Variants in ACYP2 observed in about 807,000 individuals in gnomAD.
ACYP2 encodes the protein acylphosphatase-2.
A neutral mutation model predicts 11.2 loss-of-function variants in ACYP2; 12 were observed. That is an observed-to-expected ratio of 1.08 (90% CI 0.69 to 1.74). The LOEUF (loss-of-function observed/expected upper bound fraction) is 1.74, where lower values mean the gene tolerates loss of function less well. ACYP2 is among the 40% of genes most tolerant of loss of function. The pLI is 0.00. For synonymous variants in ACYP2, 43 were observed against 32.2 expected, an observed-to-expected ratio of 1.33 and a Z score of -1.13; for missense variants, 134 against 101.9, an observed-to-expected ratio of 1.31 and a Z score of -1.35.
intron 4 of ACYP2, among the ~76,000 whole-genome samples, chr2:54,116,854 G>C (rs191177351): frequency 1.3e-5 from 2 of 152,084 alleles, no homozygotes; most frequent in African/African-American, 4.8e-5. Context: ...AGCTAATTCC[G>C]ACTGGCTATT....
chr2:54,039,817 T>TG (rs1553359323), intron 2 of ACYP2, among the ~76,000 whole-genome samples: 2 of 106,404 alleles, frequency 1.9e-5, no homozygotes, highest in Non-Finnish European at 4.1e-5. Flanking sequence ...ATTTGTTTTC[T>TG]TTTGTGTGTG....
Position 54,052,028 on chromosome 2 carries a change from C to G in ACYP2, c.155+978C>G, listed in dbSNP as rs190136401. Among the ~76,000 whole-genome samples the G allele has an allele frequency of 8.7e-4, 130 of 149,466 alleles. 2 individuals carry two copies. In the East Asian group the frequency reaches 0.022, roughly 26 times the overall value. On this transcript the variant is annotated intron_variant, in intron 3 of 6. Transcript: ENST00000607452. ...CACCATTGCACTGGAGCCTGGGCGACAGAGCAAGACTCTGTCTCAATAAAT... is the reference window on the plus strand; with the variant it reads ...CACCATTGCACTGGAGCCTGGGCGAGAGAGCAAGACTCTGTCTCAATAAAT...
intron 2 of ACYP2, among the ~76,000 whole-genome samples, chr2:54,040,774 A>C (rs1675179036): frequency 6.6e-6 from 1 of 152,248 alleles, no homozygotes; most frequent in South Asian, 2.1e-4. Context: ...AGAGTGATTT[A>C]ACTGAAGTGG....
At chr2:54,062,593 T>C (rs1391189315) in intron 4 of ACYP2, among the ~76,000 whole-genome samples, 1 of 152,254 alleles carries the variant, frequency 6.6e-6, no homozygotes, top group Non-Finnish European at 1.5e-5. Context: ...TCAAGGCACA[T>C]TTTAATATAG....
At chr2:54,020,096 C>T (rs1402685525) in intron 2 of ACYP2, among the ~76,000 whole-genome samples, 1 of 152,072 alleles carries the variant, frequency 6.6e-6, no homozygotes, top group Non-Finnish European at 1.5e-5. Flanking sequence ...ACCACCATGC[C>T]TGGCTAATTT....
intron 4 of ACYP2, among the ~76,000 whole-genome samples, chr2:54,128,496 CA>C (rs1680680158): frequency 6.6e-6 from 1 of 151,974 alleles, no homozygotes; most frequent in Admixed American, 6.6e-5. Context: ...AGTCAGACTC[CA>C]TCTCTACAAA....
chr2:54,006,120 A>G (rs980348744), intron 2 of ACYP2, among the ~76,000 whole-genome samples: 6 of 152,112 alleles, frequency 3.9e-5, no homozygotes, highest in African/African-American at 1.4e-4. Context: ...AGTAGCTGGG[A>G]CTACAGGTAT....
At chr2:54,040,156 A>T (rs1025220576) in intron 2 of ACYP2, among the ~76,000 whole-genome samples, 1 of 152,116 alleles carries the variant, frequency 6.6e-6, no homozygotes, top group Non-Finnish European at 1.5e-5. Context: ...CAGATTCTGG[A>T]CATATGCTGA....
chr2:54,242,534 T>C (rs1686773789), intron 6 of ACYP2, among the ~76,000 whole-genome samples: 1 of 152,226 alleles, frequency 6.6e-6, no homozygotes, highest in African/African-American at 2.4e-5. Flanking sequence ...TATACAGTCA[T>C]ATGCCACATA....
intron 2 of ACYP2, chr2:53,975,135 G>T (rs1671406995): frequency 2.6e-6 from 1 of 386,954 alleles, no homozygotes; most frequent in Admixed American, 4.5e-5. Flanking sequence ...TGAGGCAGAA[G>T]AATTGCTTGA....
chr2:54,195,272 C>T (rs567820757), intron 6 of ACYP2, among the ~76,000 whole-genome samples: 2 of 152,288 alleles, frequency 1.3e-5, no homozygotes, highest in African/African-American at 2.4e-5. Context: ...CATGGACCTC[C>T]GCAGATCTTC....
At chr2:53,989,136 C>G (rs1005159132) in intron 2 of ACYP2, among the ~76,000 whole-genome samples, 5 of 152,116 alleles carry the variant, frequency 3.3e-5, no homozygotes, top group Non-Finnish European at 7.4e-5. Context: ...TTCTTCTCAT[C>G]GTTACTCTAA....
intron 4 of ACYP2, among the ~76,000 whole-genome samples, chr2:54,084,061 C>T (rs573040231): frequency 2.6e-5 from 4 of 152,220 alleles, no homozygotes; most frequent in Middle Eastern, 3.4e-3. Context: ...AGTATAATTT[C>T]CAATTTATTT....
At chr2:54,270,576 C>T (rs1688250056) in intron 6 of ACYP2, among the ~76,000 whole-genome samples, 1 of 151,978 alleles carries the variant, frequency 6.6e-6, no homozygotes, top group Non-Finnish European at 1.5e-5. Context: ...AACTACACTC[C>T]AGCCTGGGTG....
intron 6 of ACYP2, among the ~76,000 whole-genome samples, chr2:54,212,805 G>T (rs1685381042): frequency 1.3e-5 from 2 of 148,462 alleles, no homozygotes; most frequent in Non-Finnish European, 3.0e-5. Flanking sequence ...ATATATTCTT[G>T]TACAAAAATA....
chr2:54,236,977 G>GA (rs1686509296), intron 6 of ACYP2, among the ~76,000 whole-genome samples: 2 of 152,092 alleles, frequency 1.3e-5, no homozygotes, highest in Non-Finnish European at 2.9e-5. Context: ...AAATATTTGG[G>GA]AAAAAATTGC....
intron 6 of ACYP2, among the ~76,000 whole-genome samples, chr2:54,201,630 T>TTGTTTC (rs1684798474): frequency 1.1e-5 from 1 of 90,520 alleles, no homozygotes; most frequent in African/African-American, 4.1e-5. Context: ...CTTTGTTTCT[T>TTGTTTC]TCTTTCTCTT....
At chr2:54,045,249 T>C (rs531552433) in intron 2 of ACYP2, among the ~76,000 whole-genome samples, 3 of 152,126 alleles carry the variant, frequency 2.0e-5, no homozygotes, top group Non-Finnish European at 4.4e-5. Context: ...GTCCTCGCCC[T>C]CCACGATCCC....
chr2:54,001,020 A>T (rs1672769403), intron 2 of ACYP2, among the ~76,000 whole-genome samples: 1 of 152,146 alleles, frequency 6.6e-6, no homozygotes, highest in Admixed American at 6.6e-5. Context: ...TGTTCCCCAA[A>T]CTAGTAGGAT....
Sources: gnomAD v4.1 joint callset for allele counts (sites outside exome capture counted in the v4.1 genomes callset) on GRCh38, gnomAD v4.1.1 for gene constraint, MANE v1.5 for transcripts, NCBI Gene and HGNC (gene_info 2026-07-23, HGNC 2026-07-21) for gene names.